CBR4: variants seen among roughly 807,000 people sequenced by gnomAD.
The protein encoded by CBR4 is 3-oxoacyl-[acyl-carrier-protein] reductase.
In CBR4, 22 loss-of-function variants were observed where a neutral mutation model predicts 21.0. The ratio of observed to expected loss-of-function variants is 1.05; its 90% confidence interval spans 0.75 to 1.50. The LOEUF (loss-of-function observed/expected upper bound fraction) is 1.50. Among genes scored for constraint, CBR4 ranks in the 40% most tolerant of loss-of-function variants. The pLI is 0.00. For missense variants in CBR4, 302 were observed against 286.3 expected (o/e 1.05, Z -0.40); for synonymous variants, 100 against 104.4 (o/e 0.96, Z 0.26).
At chr4:168,935,487 G>A (rs1228369776) in intron 2 of CBR4, among the ~76,000 whole-genome samples, 2 of 152,058 alleles carry the variant, frequency 1.3e-5, no homozygotes, top group Non-Finnish European at 2.9e-5. Context: ...ACCCCCTATG[G>A]AGCCCAGCAA....
At chr4:169,005,858 T>C (rs1444546633) in intron 3 of CBR4, 2 of 1,284,732 alleles carry the variant, frequency 1.6e-6, no homozygotes, top group Non-Finnish European at 2.0e-6. Flanking sequence ...AACCATTTCC[T>C]ACATTTAAAA....
chr4:168,941,128 G>A (rs972468413), intron 2 of CBR4, among the ~76,000 whole-genome samples: 2 of 152,082 alleles, frequency 1.3e-5, no homozygotes, highest in African/African-American at 4.8e-5. Flanking sequence ...AGTGGGAGTT[G>A]AAAACACATA....
intron 4 of CBR4, among the ~76,000 whole-genome samples, chr4:168,992,838 T>C (rs959988649): frequency 1.3e-5 from 2 of 152,198 alleles, no homozygotes; most frequent in Non-Finnish European, 2.9e-5. Context: ...TACCTTCAGA[T>C]AGTCTGTAAT....
intron 1 of CBR4, among the ~76,000 whole-genome samples, 168 bp from the exon 2 acceptor site, chr4:169,007,924 A>C (rs1017536355): frequency 3.3e-5 from 5 of 152,224 alleles, no homozygotes; most frequent in African/African-American, 1.2e-4. Flanking sequence ...GTCTAATGAA[A>C]CTGGGATGCG....
At chr4:168,969,637 G>A (rs1011953605) in intron 2 of CBR4, among the ~76,000 whole-genome samples, 3 of 152,182 alleles carry the variant, frequency 2.0e-5, no homozygotes, top group East Asian at 1.9e-4. Flanking sequence ...ATGGAAACAT[G>A]AGAAGGAATG....
At position 168,928,326 on chromosome 4, in the gene CBR4, T is replaced by TA. The variant is rs398064261; in HGVS notation, n.170-33562dup. Reference sequence around the variant, plus strand: ...TTTTGCCACCTTTATATTGTATTTATAAAAAAAAAAGTACTATCAATCAAT... The same window carrying TA: ...TTTTGCCACCTTTATATTGTATTTATAAAAAAAAAAAGTACTATCAATCAAT... On this transcript the variant is annotated intron_variant and non_coding_transcript_variant, in intron 2 of 3. Coordinates refer to the CBR4 transcript ENST00000509108. 11,763 of 179,422 alleles carry TA rather than the reference T, an allele frequency of 0.066. 589 individuals are homozygous for TA. The highest frequency in any genetic ancestry group is 0.16 in the African/African-American group (6,592 of 42,030). The allele number at this position is 179,422 out of a possible 1,614,324, so 11.1% of individuals were successfully genotyped here. A position where few individuals can be genotyped will look rare whatever the true frequency, so the allele number is the denominator to read the frequency against.
In CBR4 at chr4:168,913,939, T is replaced by G. The variant is rs368472947; in HGVS notation, n.170-19174A>C. The G allele has an allele frequency of 1.1e-5, 17 of 1,610,612 alleles. No individual in the cohort carries two copies. In the East Asian group the frequency reaches 1.1e-4, roughly 11 times the overall value. Reference sequence around the variant, plus strand: ...GATATTTCTACAGGGCCGCATCAGTTGTACTGGACGGCTAATGGTACAGGC... The same window carrying G: ...GATATTTCTACAGGGCCGCATCAGTGGTACTGGACGGCTAATGGTACAGGC... On this transcript the variant is annotated intron_variant and non_coding_transcript_variant, in intron 2 of 3. Transcript: ENST00000509108.
chr4:168,898,506 C>T, intron 2 of CBR4: 3 of 1,611,876 alleles, frequency 1.9e-6, no homozygotes, highest in Non-Finnish European at 2.5e-6. Flanking sequence ...TACAAAGTCT[C>T]CAGCTGTGAA....
intron 2 of CBR4, among the ~76,000 whole-genome samples, chr4:168,915,486 T>A (rs1759908106): frequency 1.3e-5 from 2 of 152,194 alleles, no homozygotes. Flanking sequence ...AAAAATATAT[T>A]GAATTTTTAT....
At chr4:168,916,497 A>G (rs11938365) in intron 2 of CBR4, among the ~76,000 whole-genome samples, 4,063 of 152,250 alleles carry the variant, frequency 0.027, 81 homozygotes, top group Non-Finnish European at 0.039. Flanking sequence ...CTTTAAATCT[A>G]AATTAAATAT....
intron 2 of CBR4, among the ~76,000 whole-genome samples, chr4:168,955,285 T>C (rs2126712063): frequency 6.6e-6 from 1 of 152,198 alleles, no homozygotes; most frequent in Non-Finnish European, 1.5e-5. Context: ...ATATGATAAA[T>C]TATAAATAAG....
At chr4:168,920,635 C>T (rs1030457799) in intron 2 of CBR4, among the ~76,000 whole-genome samples, 1 of 152,100 alleles carries the variant, frequency 6.6e-6, no homozygotes, top group East Asian at 1.9e-4. Flanking sequence ...CAATTAAATG[C>T]TTTTATCTGA....
intron 2 of CBR4, 48 bp downstream of exon 2, chr4:169,007,588 A>G (rs1229808800): frequency 8.2e-7 from 1 of 1,218,166 alleles, no homozygotes; most frequent in Admixed American, 3.3e-5. Flanking sequence ...ATTAGGAATA[A>G]AAGTTTTAAA....
chr4:168,956,169 A>T (rs1763679323), intron 2 of CBR4, among the ~76,000 whole-genome samples: 1 of 152,232 alleles, frequency 6.6e-6, no homozygotes, highest in Non-Finnish European at 1.5e-5. Flanking sequence ...TAAATTTGAA[A>T]ATAGGACTTG....
chr4:168,942,176 C>T (rs1039820224), intron 2 of CBR4, among the ~76,000 whole-genome samples: 1 of 151,088 alleles, frequency 6.6e-6, no homozygotes, highest in Non-Finnish European at 1.5e-5. Flanking sequence ...AAATGGGAGT[C>T]GAACAATAAG....
At chr4:168,930,322 A>G (rs1762937766) in intron 2 of CBR4, among the ~76,000 whole-genome samples, 1 of 152,224 alleles carries the variant, frequency 6.6e-6, no homozygotes, top group Non-Finnish European at 1.5e-5. Flanking sequence ...ACCAGGCCCT[A>G]CAGAAGCTTA....
chr4:168,996,815 T>C (rs1483453846), intron 4 of CBR4, among the ~76,000 whole-genome samples: 1 of 152,234 alleles, frequency 6.6e-6, no homozygotes, highest in Non-Finnish European at 1.5e-5. Flanking sequence ...TACTCTGGGC[T>C]GTATGGAACT....
At chr4:168,938,600 A>G (rs569662730) in intron 2 of CBR4, among the ~76,000 whole-genome samples, 1 of 152,334 alleles carries the variant, frequency 6.6e-6, no homozygotes, top group African/African-American at 2.4e-5. Flanking sequence ...AGAATCAAAT[A>G]AACGCAATAA....
chr4:168,971,398 T>C (rs939770850), intron 2 of CBR4, among the ~76,000 whole-genome samples: 1 of 150,790 alleles, frequency 6.6e-6, no homozygotes, highest in African/African-American at 2.4e-5. Flanking sequence ...GCCTCCCGAG[T>C]AGCTGGGATC....
Sources: allele counts gnomAD v4.1 joint callset (sites outside exome capture counted in the v4.1 genomes callset), GRCh38; gene constraint gnomAD v4.1.1; transcripts MANE v1.5; gene names NCBI Gene and HGNC (gene_info 2026-07-23, HGNC 2026-07-21).